Variants in MARCHF1 observed in about 807,000 individuals in gnomAD.
MARCHF1 encodes the protein E3 ubiquitin-protein ligase MARCHF1.
MARCHF1 carries 40 observed loss-of-function variants against 54.2 expected under a neutral mutation model. That is an observed-to-expected ratio of 0.74 (90% CI 0.57 to 0.96). The LOEUF (loss-of-function observed/expected upper bound fraction) is 0.96. Ranked by LOEUF, MARCHF1 falls within the 40% of genes least tolerant of loss-of-function variation. MARCHF1 has a pLI of 0.00. For missense variants in MARCHF1, 586 were observed against 656.5 expected (o/e 0.89, Z 1.17); for synonymous variants, 236 against 236.3 (o/e 1.00, Z 0.01).
At chr4:164,132,475 C>A (rs1200980971) in intron 1 of MARCHF1, among the ~76,000 whole-genome samples, 2 of 152,090 alleles carry the variant, frequency 1.3e-5, no homozygotes, top group Non-Finnish European at 2.9e-5. Flanking sequence ...CTTCATATTG[C>A]ATTACCTCAA....
At chr4:163,672,671 G>C (rs1743777427) in intron 5 of MARCHF1, among the ~76,000 whole-genome samples, 1 of 151,764 alleles carries the variant, frequency 6.6e-6, no homozygotes, top group Non-Finnish European at 1.5e-5. Flanking sequence ...TCCTATTACT[G>C]CTTTCACAAA....
intron 1 of MARCHF1, among the ~76,000 whole-genome samples, chr4:164,128,836 T>C (rs995533107): frequency 3.3e-5 from 5 of 152,276 alleles, no homozygotes; most frequent in Admixed American, 3.3e-4. Flanking sequence ...AAGCCAGCAT[T>C]GGATTATCTG....
intron 5 of MARCHF1, among the ~76,000 whole-genome samples, chr4:163,692,455 T>A (rs1744492252): frequency 6.6e-6 from 1 of 152,118 alleles, no homozygotes; most frequent in African/African-American, 2.4e-5. Context: ...AGCAGCAGCA[T>A]GAAGGGCAAA....
At chr4:163,955,212 T>TAAAAAA (rs574633631) in intron 3 of MARCHF1, among the ~76,000 whole-genome samples, 1 of 111,838 alleles carries the variant, frequency 8.9e-6, no homozygotes, top group African/African-American at 3.4e-5. Context: ...TACTGAACAT[T>TAAAAAA]AAAAAAAAAA....
At chr4:164,169,332 T>A (rs1012395342) in intron 1 of MARCHF1, among the ~76,000 whole-genome samples, 4 of 152,098 alleles carry the variant, frequency 2.6e-5, no homozygotes, top group Admixed American at 6.6e-5. Context: ...ACACCCTTAT[T>A]TCATGCACAA....
intron 1 of MARCHF1, among the ~76,000 whole-genome samples, chr4:164,114,471 A>G (rs1355321406): frequency 2.0e-5 from 3 of 151,798 alleles, no homozygotes; most frequent in African/African-American, 7.2e-5. Context: ...ATGAAGGCTT[A>G]ACGATTTTTA....
At chr4:164,133,411 C>T (rs1756340841) in intron 1 of MARCHF1, among the ~76,000 whole-genome samples, 1 of 152,028 alleles carries the variant, frequency 6.6e-6, no homozygotes, top group Non-Finnish European at 1.5e-5. Context: ...ATTGTGATTC[C>T]CTCTCTCTCT....
intron 3 of MARCHF1, among the ~76,000 whole-genome samples, chr4:163,928,928 TGGGACAAAGGGGAAAAA>T (rs1751596022): frequency 6.6e-6 from 1 of 151,828 alleles, no homozygotes; most frequent in Non-Finnish European, 1.5e-5. Flanking sequence ...AAGATACCAA[TGGGACAAAGGGGAAAAA>T]ATAAGAGACC....
At chr4:163,665,860 C>A (rs1425204131) in intron 5 of MARCHF1, among the ~76,000 whole-genome samples, 1 of 152,042 alleles carries the variant, frequency 6.6e-6, no homozygotes, top group Non-Finnish European at 1.5e-5. Flanking sequence ...AGTTTTACTC[C>A]TCCATTGGGC....
intron 5 of MARCHF1, among the ~76,000 whole-genome samples, chr4:163,679,817 G>A (rs1373879962): frequency 6.6e-6 from 1 of 151,444 alleles, no homozygotes; most frequent in Non-Finnish European, 1.5e-5. Context: ...TTTCACCGTG[G>A]TCTCGATCTC....
At chr4:163,552,750 G>A (rs1739147522) in intron 8 of MARCHF1, among the ~76,000 whole-genome samples, 1 of 152,110 alleles carries the variant, frequency 6.6e-6, no homozygotes, top group African/African-American at 2.4e-5. Context: ...GAGGGCTCTG[G>A]GGGCCTGGAG....
chr4:163,683,174 G>A (rs997525729), intron 5 of MARCHF1, among the ~76,000 whole-genome samples: 1 of 152,096 alleles, frequency 6.6e-6, no homozygotes, highest in African/African-American at 2.4e-5. Context: ...TTTGAGACTG[G>A]GCAATTTGCA....
intron 1 of MARCHF1, among the ~76,000 whole-genome samples, chr4:164,114,496 C>CT (rs1415586742): frequency 1.3e-5 from 2 of 151,510 alleles, no homozygotes; most frequent in Non-Finnish European, 3.0e-5. Context: ...ATGACCCATT[C>CT]TTTAAATGAC....
In MARCHF1 at chr4:164,260,739, T is replaced by G. The variant is rs1237064248; in HGVS notation, c.-323+123131A>C. Among the ~76,000 whole-genome samples, 6 of 152,246 alleles carry G rather than the reference T, an allele frequency of 3.9e-5. 1 individual carries two copies. Among genetic ancestry groups the G allele is most frequent in the Admixed American group, 3.3e-4 (5 of 15,280 alleles). ...CAAAATCGAATTGTATAACAGTATA[T>G]GCAGTATGTGTAGGAGTAAAAAGCA... On this transcript the variant is annotated intron_variant, in intron 1 of 9. Transcript: ENST00000514618.
chr4:164,309,227 A>G (rs1432751442), intron 1 of MARCHF1, among the ~76,000 whole-genome samples: 1 of 149,264 alleles, frequency 6.7e-6, no homozygotes, highest in East Asian at 2.0e-4. Flanking sequence ...ACTCCAGGCA[A>G]CTCCCAAGTG....
At chr4:164,334,075 C>T (rs1215411110) in intron 1 of MARCHF1, among the ~76,000 whole-genome samples, 1 of 152,134 alleles carries the variant, frequency 6.6e-6, no homozygotes, top group Non-Finnish European at 1.5e-5. Flanking sequence ...GTTCATGAGG[C>T]TTAAGGAAAG....
At chr4:163,545,553 G>T (rs779695649) in intron 9 of MARCHF1, 43 bp downstream of exon 9, 1 of 1,588,952 alleles carries the variant, frequency 6.3e-7, no homozygotes, top group Non-Finnish European at 8.6e-7. Context: ...TCTGAGTATT[G>T]TCTTTAGGAT....
intron 3 of MARCHF1, among the ~76,000 whole-genome samples, chr4:163,875,875 C>A (rs1488141521): frequency 6.6e-6 from 1 of 151,902 alleles, no homozygotes; most frequent in Non-Finnish European, 1.5e-5. Context: ...ATTTAGCAAA[C>A]CTTGGAAGGC....
At chr4:163,884,804 G>T (rs1750493161) in intron 3 of MARCHF1, among the ~76,000 whole-genome samples, 1 of 152,118 alleles carries the variant, frequency 6.6e-6, no homozygotes, top group African/African-American at 2.4e-5. Context: ...TTTTAGAAAT[G>T]GTTAGTAATT....
Sources: gnomAD v4.1 joint callset for allele counts (sites outside exome capture counted in the v4.1 genomes callset) on GRCh38, gnomAD v4.1.1 for gene constraint, MANE v1.5 for transcripts, NCBI Gene and HGNC (gene_info 2026-07-23, HGNC 2026-07-21) for gene names.